Variants in B3GNT3 observed in about 807,000 individuals in gnomAD.
B3GNT3 encodes N-acetyllactosaminide beta-1,3-N-acetylglucosaminyltransferase 3.
Under a neutral mutation model 11.6 loss-of-function variants are expected in B3GNT3, and 7 were observed. That is an observed-to-expected ratio of 0.60 (90% confidence interval 0.34 to 1.13). The LOEUF (loss-of-function observed/expected upper bound fraction) is 1.13. Ranked by LOEUF, B3GNT3 falls within the 50% of genes most tolerant of loss-of-function variation. The probability of loss-of-function intolerance (pLI) is 0.03; values close to 1 mark genes in which losing one functional copy is unlikely to be tolerated. For missense variants in B3GNT3, 400 were observed against 507.4 expected (o/e 0.79, Z 2.03); for synonymous variants, 201 against 222.1 (o/e 0.90, Z 0.85).
chr19:17,807,020 G>A (rs565234741), intron 1 of B3GNT3, among the ~76,000 whole-genome samples: 1 of 151,322 alleles, frequency 6.6e-6, no homozygotes, highest in Admixed American at 6.6e-5. Flanking sequence ...GGGAATCAAG[G>A]TAGCCAGGAT....
chr19:17,799,490 G>A (rs113489941), intron 1 of B3GNT3, among the ~76,000 whole-genome samples: 8 of 151,856 alleles, frequency 5.3e-5, no homozygotes, highest in African/African-American at 1.4e-4. Context: ...GGCTGGTCTC[G>A]AACTCCTGAC....
Position 17,812,199 on chromosome 19 carries a change from AC to A in B3GNT3, c.*79del. ...GACACCTTCCTCCCAGGAAGCTGAG[AC>A]CTTTGTGGTCTGAGCATAAGGGAGT... On this transcript the variant is annotated 3_prime_UTR_variant, in exon 3 of 3. Coordinates refer to ENST00000318683, the MANE Select transcript of B3GNT3 (RefSeq NM_014256.4). The A allele has an allele frequency of 6.9e-7, 1 of 1,451,730 alleles. No individual in the cohort carries two copies. The highest frequency in any genetic ancestry group is 9.1e-7 in the Non-Finnish European group (1 of 1,097,756). The allele number at this position is 1,451,730 out of a possible 1,614,324, so 89.9% of individuals were successfully genotyped here. A position where few individuals can be genotyped will look rare whatever the true frequency, so the allele number is the denominator to read the frequency against.
chr19:17,808,076 G>A lies in B3GNT3; in HGVS notation c.269G>A (p.Arg90His), dbSNP rs2094175846. The A allele has an allele frequency of 6.2e-7, 1 of 1,611,476 alleles. No individual in the cohort carries two copies. Among genetic ancestry groups the A allele is most frequent in the Non-Finnish European group, 8.5e-7 (1 of 1,179,254 alleles). The change falls in exon 2 of 3, where the codon CGC becomes CAC. Residue 90 changes from arginine (R) to histidine (H), a missense_variant. By Grantham distance (29) the Arg-to-His change is conservative. Coordinates refer to ENST00000318683, the MANE Select transcript of B3GNT3 (RefSeq NM_014256.4). ...VQNFLLYRHC[R>H]HFPLLQDVPP... is the part of the protein sequence containing the mutation. ...AACTTCCTCCTGTACAGACACTGCC[G>A]CCACTTTCCCCTGCTGCAGGACGTG...
downstream of B3GNT3, among the ~76,000 whole-genome samples, chr19:17,813,576 TA>T (rs1467551355): frequency 1.3e-5 from 2 of 150,500 alleles, no homozygotes; most frequent in African/African-American, 4.9e-5. Context: ...TAACCCCACA[TA>T]TCCCCACAGA....
chr19:17,798,031 A>C (rs941075517), intron 1 of B3GNT3, among the ~76,000 whole-genome samples: 4 of 152,062 alleles, frequency 2.6e-5, no homozygotes, highest in East Asian at 3.9e-4. Flanking sequence ...CCCTCTCTGC[A>C]CAGATCGTCC....
At chr19:17,801,835 C>T (rs1055683552) in intron 1 of B3GNT3, among the ~76,000 whole-genome samples, 16 of 152,194 alleles carry the variant, frequency 1.1e-4, no homozygotes, top group African/African-American at 2.9e-4. Flanking sequence ...CGCCTGTAAT[C>T]CCAACACTTT....
chr19:17,810,134 C>T (rs185722581), intron 2 of B3GNT3, among the ~76,000 whole-genome samples: 4 of 152,298 alleles, frequency 2.6e-5, no homozygotes, highest in Admixed American at 2.6e-4. Context: ...GTGTAGGTTA[C>T]TGTAGGGGAA....
At chr19:17,803,653 T>G (rs1172679662) in intron 1 of B3GNT3, among the ~76,000 whole-genome samples, 1 of 151,448 alleles carries the variant, frequency 6.6e-6, no homozygotes, top group Non-Finnish European at 1.5e-5. Context: ...TGAACAGGAG[T>G]GCAGGGTAGG....
At chr19:17,807,079 A>G (rs1180160325) in intron 1 of B3GNT3, among the ~76,000 whole-genome samples, 1 of 143,552 alleles carries the variant, frequency 7.0e-6, no homozygotes, top group East Asian at 2.1e-4. Context: ...AATATGCATC[A>G]AGCCCTTTTG....
Position 17,811,316 on chromosome 19 carries a change from T to C in B3GNT3, c.568-255T>C, listed in dbSNP as rs765689721. 1.3e-5 allele frequency among the ~76,000 whole-genome samples: 2 copies of C among 152,178 alleles called. No individual in the cohort carries two copies. The highest frequency in any genetic ancestry group is 3.8e-4 in the East Asian group (2 of 5,202). The stretch of plus-strand genomic sequence containing the variant: ...ATGTAAATGTAACAATTTTCCAGCA[T>C]TTCTTGGTGCTTCATGGAGCATGGT... On this transcript the variant is annotated intron_variant, in intron 2 of 2. Transcript: ENST00000318683. This position sits in a 1 kb window ranked among gnomAD's most constrained non-coding sequence, Gnocchi z 4.1.
In B3GNT3 at chr19:17,812,333, A is replaced by C. The variant is rs1379633236; in HGVS notation, c.*211A>C. On this transcript the variant is annotated 3_prime_UTR_variant, in exon 3 of 3. Transcript: ENST00000318683. ...TCCAGCATCTTCCCTGGATGGCTGGAGGAACTCCAGAAAATATCCATCTTC... is the reference window on the plus strand; with the variant it reads ...TCCAGCATCTTCCCTGGATGGCTGGCGGAACTCCAGAAAATATCCATCTTC... The C allele has an allele frequency of 3.7e-6, 2 of 545,162 alleles. No individual in the cohort carries two copies. Among genetic ancestry groups the C allele is most frequent in the Non-Finnish European group, 6.4e-6 (2 of 313,464 alleles). 33.8% of individuals were successfully genotyped at this position (545,162 alleles called of 1,614,324 possible). A position where few individuals can be genotyped will look rare whatever the true frequency, so the allele number is the denominator to read the frequency against.
At position 17,807,861 on chromosome 19, in the gene B3GNT3, C is replaced by A. The variant is rs748573707; in HGVS notation, c.54C>A (p.Gly18=). The change falls in exon 2 of 3, where the codon GGC becomes GGA. Residue 18 remains glycine (G), a synonymous_variant. Coordinates refer to ENST00000318683, the MANE Select transcript of B3GNT3 (RefSeq NM_014256.4). ...RPNATLILAI[G]AFTLLLFSLL... Reference sequence around the variant, plus strand: ...ATGCCACCCTCATTCTGGCCATCGGCGCTTTCACCCTCCTCCTCTTCAGTC... The same window carrying A: ...ATGCCACCCTCATTCTGGCCATCGGAGCTTTCACCCTCCTCCTCTTCAGTC... The A allele has an allele frequency of 6.2e-7, 1 of 1,613,412 alleles. No homozygotes were observed. The highest frequency in any genetic ancestry group is 1.1e-5 in the South Asian group (1 of 91,080).
chr19:17,796,908 C>G (rs1032196761), intron 1 of B3GNT3, among the ~76,000 whole-genome samples: 1 of 152,158 alleles, frequency 6.6e-6, no homozygotes, highest in Non-Finnish European at 1.5e-5. Flanking sequence ...CTCCCCCAAC[C>G]CCATGAGCCA....
At chr19:17,806,891 G>A (rs117284734) in intron 1 of B3GNT3, among the ~76,000 whole-genome samples, 7,430 of 148,410 alleles carry the variant, frequency 0.05, 229 homozygotes, top group Middle Eastern at 0.079. Context: ...GGCGGAGGTT[G>A]AAGTGAGCCG....
intron 1 of B3GNT3, among the ~76,000 whole-genome samples, chr19:17,804,163 T>G (rs2094169735): frequency 6.6e-6 from 1 of 152,030 alleles, no homozygotes; most frequent in Non-Finnish European, 1.5e-5. Context: ...TCTGGACATC[T>G]GGGCTGTGAT....
Position 17,807,763 on chromosome 19 carries a change from G to A in B3GNT3, c.-45G>A. The stretch of plus-strand genomic sequence containing the variant: ...GTGAGTTTTGTTTTCCACAGGAGCC[G>A]CCCAGGAGGCTCCTCAGGCCGACCC... On this transcript the variant is annotated 5_prime_UTR_variant, in exon 2 of 3. Transcript: ENST00000318683. 1.3e-6 allele frequency: 2 copies of A among 1,550,230 alleles called. No individual in the cohort carries two copies. The highest frequency in any genetic ancestry group is 1.8e-5 in the Admixed American group (1 of 54,952).
At chr19:17,805,710 C>A (rs1008686824) in intron 1 of B3GNT3, among the ~76,000 whole-genome samples, 9 of 152,218 alleles carry the variant, frequency 5.9e-5, no homozygotes, top group Admixed American at 1.3e-4. Context: ...CATCATCCTT[C>A]AGGACCTCCC....
chr19:17,807,499 G>GAT, intron 1 of B3GNT3, among the ~76,000 whole-genome samples: 1 of 147,108 alleles, frequency 6.8e-6, no homozygotes. Flanking sequence ...GAGAGAGAGA[G>GAT]ACGCTGTCTC....
chr19:17,799,538 G>T (rs938933120), intron 1 of B3GNT3, among the ~76,000 whole-genome samples: 7 of 152,036 alleles, frequency 4.6e-5, no homozygotes, highest in Non-Finnish European at 7.4e-5. Flanking sequence ...AAAGTGCTGG[G>T]ATTACAGGTG....
Sources: allele counts gnomAD v4.1 joint callset (sites outside exome capture counted in the v4.1 genomes callset), GRCh38; gene constraint gnomAD v4.1.1; non-coding constraint Gnocchi (gnomAD v3.1); transcripts MANE v1.5; gene names NCBI Gene and HGNC (gene_info 2026-07-23, HGNC 2026-07-21).